The following PCDHGB6 variants were observed in gnomAD, a reference collection of about 807,000 sequenced individuals.
The protein encoded by PCDHGB6 is protocadherin gamma-B6.
In PCDHGB6, 51 loss-of-function variants were observed where a neutral mutation model predicts 59.1. The observed-to-expected ratio is 0.86, with a 90% CI of 0.69 to 1.09. PCDHGB6 has a LOEUF of 1.09. Among genes scored for constraint, PCDHGB6 ranks in the 50% least tolerant of loss-of-function variants. The probability of loss-of-function intolerance (pLI) is 0.00; values close to 1 mark genes in which losing one functional copy is unlikely to be tolerated. For missense variants in PCDHGB6, 1,148 were observed against 1,205.1 expected (o/e 0.95, Z 0.70); for synonymous variants, 466 against 495.1 (o/e 0.94, Z 0.78).
At chr5:141,414,932 C>T (rs770025434) in intron 1 of PCDHGB6, 3 of 1,614,162 alleles carry the variant, frequency 1.9e-6, no homozygotes, top group Middle Eastern at 1.7e-4. Context: ...CCCCGCTCCG[C>T]AGAGCCCGGC....
rs1314264090 is a variant in PCDHGB6, at chr5:141,490,459, C to T, written c.2419-4348C>T. 7 of 1,614,100 alleles carry T rather than the reference C, an allele frequency of 4.3e-6. No homozygotes were observed. Among genetic ancestry groups the T allele is most frequent in the Non-Finnish European group, 5.9e-6 (7 of 1,180,040 alleles). ...GCCTTCTGAGAACCACTACTCGCTG[C>T]TAACCAGCCAGCCTTTGGACCGGGA... On this transcript the variant is annotated intron_variant, in intron 1 of 3. Coordinates refer to ENST00000520790, the MANE Select transcript of PCDHGB6 (RefSeq NM_018926.3). The surrounding 1 kb of genome is among the most constrained non-coding windows in gnomAD (Gnocchi z 5.4).
At chr5:141,501,755 G>C (rs2099810889) in intron 2 of PCDHGB6, among the ~76,000 whole-genome samples, 1 of 152,116 alleles carries the variant, frequency 6.6e-6, no homozygotes, top group Non-Finnish European at 1.5e-5. Context: ...GAAGCTCTCA[G>C]TAAATGGTTA....
intron 1 of PCDHGB6, among the ~76,000 whole-genome samples, chr5:141,457,612 G>T (rs1011626121): frequency 1.8e-4 from 27 of 152,232 alleles, no homozygotes; most frequent in Non-Finnish European, 2.9e-4. Flanking sequence ...AATTATGAAT[G>T]AACTTTAATC....
intron 1 of PCDHGB6, chr5:141,423,907 G>C: frequency 7.9e-7 from 1 of 1,271,360 alleles, no homozygotes. Context: ...TTTCAAAGGG[G>C]CCATTCAACT....
chr5:141,431,397 C>A lies in PCDHGB6; in HGVS notation c.2418+20777C>A. ...AAGGCTGCTCACCACCTGGTCCTTA[C>A]GGCCTCCGACGGGGGCGACCCGGTG... On this transcript the variant is annotated intron_variant, in intron 1 of 3. Coordinates refer to ENST00000520790, the MANE Select transcript of PCDHGB6 (RefSeq NM_018926.3). The surrounding 1 kb of genome is among the most constrained non-coding windows in gnomAD (Gnocchi z 4.8). 3.1e-6 allele frequency: 5 copies of A among 1,613,782 alleles called. No individual in the cohort carries two copies. Among genetic ancestry groups the A allele is most frequent in the Non-Finnish European group, 4.2e-6 (5 of 1,180,034 alleles).
intron 1 of PCDHGB6, chr5:141,420,344 T>G (rs2096490860): frequency 2.2e-6 from 3 of 1,394,808 alleles, no homozygotes; most frequent in African/African-American, 1.5e-5. Flanking sequence ...TATAGTGGTA[T>G]TATTTTAAGA....
intron 1 of PCDHGB6, among the ~76,000 whole-genome samples, chr5:141,464,286 A>AT (rs1453289283): frequency 6.6e-6 from 1 of 151,420 alleles, no homozygotes; most frequent in African/African-American, 2.4e-5. Flanking sequence ...AAGCAAAAAA[A>AT]AAAACTCCAT....
intron 1 of PCDHGB6, among the ~76,000 whole-genome samples, chr5:141,457,424 C>T (rs1261475379): frequency 6.6e-6 from 1 of 152,068 alleles, no homozygotes; most frequent in Non-Finnish European, 1.5e-5. Context: ...TCCCTTTTTC[C>T]CCCCCACCAA....
At chr5:141,427,683 G>C in intron 1 of PCDHGB6, 1 of 836,052 alleles carries the variant, frequency 1.2e-6, no homozygotes. Flanking sequence ...CCTTCCCGGA[G>C]CCTCCATCCC....
chr5:141,431,114 G>T lies in PCDHGB6; in HGVS notation c.2418+20494G>T. On this transcript the variant is annotated intron_variant, in intron 1 of 3. Coordinates refer to ENST00000520790, the MANE Select transcript of PCDHGB6 (RefSeq NM_018926.3). This position sits in a 1 kb window ranked among gnomAD's most constrained non-coding sequence, Gnocchi z 4.8. The stretch of plus-strand genomic sequence containing the variant: ...GGAGGATAAAGTGAAAATATATGGA[G>T]TAGAAGTAGAAGTAAGGGACATTAA... 6.2e-7 allele frequency: 1 copy of T among 1,614,158 alleles called. No individual in the cohort carries two copies.
intron 1 of PCDHGB6, chr5:141,478,776 A>T: frequency 1.3e-6 from 2 of 1,488,808 alleles, no homozygotes; most frequent in Non-Finnish European, 1.8e-6. Context: ...TCATCTGTGG[A>T]CCTAATTCAC....
Position 141,431,592 on chromosome 5 carries a change from G to A in PCDHGB6, c.2418+20972G>A, listed in dbSNP as rs1429358254. 2.5e-6 allele frequency: 4 copies of A among 1,614,100 alleles called. No individual in the cohort carries two copies. The Admixed American group carries it at 6.7e-5, about 27-fold the overall frequency. The stretch of plus-strand genomic sequence containing the variant: ...GACGAAGGAGTCAATGCGGAAGTGA[G>A]GTATTCCTTCCGGTATGTGGACGAC... On this transcript the variant is annotated intron_variant, in intron 1 of 3. Transcript: ENST00000520790. The surrounding 1 kb of genome is among the most constrained non-coding windows in gnomAD (Gnocchi z 4.8).
intron 1 of PCDHGB6, among the ~76,000 whole-genome samples, chr5:141,444,466 C>A (rs539222916): frequency 1.3e-5 from 2 of 151,982 alleles, no homozygotes; most frequent in African/African-American, 4.8e-5. Flanking sequence ...TCACTGCGCC[C>A]GGTCGCGTAC....
intron 2 of PCDHGB6, among the ~76,000 whole-genome samples, chr5:141,498,848 G>T (rs930895553): frequency 6.6e-6 from 1 of 151,908 alleles, no homozygotes; most frequent in African/African-American, 2.4e-5. Context: ...CAGGGGAATC[G>T]CTTGAACCCA....
intron 1 of PCDHGB6, among the ~76,000 whole-genome samples, chr5:141,436,122 C>T (rs909678739): frequency 4.6e-5 from 7 of 152,128 alleles, no homozygotes; most frequent in African/African-American, 7.2e-5. Flanking sequence ...AACCTCTCTC[C>T]TCCATCATCT....
rs765185360 is a variant in PCDHGB6, at chr5:141,491,451, C to T, written c.2419-3356C>T. 1.2e-6 allele frequency: 2 copies of T among 1,614,112 alleles called. No individual in the cohort carries two copies. The highest frequency in any genetic ancestry group is 1.1e-5 in the South Asian group (1 of 91,082). On this transcript the variant is annotated intron_variant, in intron 1 of 3. Coordinates refer to ENST00000520790, the MANE Select transcript of PCDHGB6 (RefSeq NM_018926.3). This position sits in a 1 kb window ranked among gnomAD's most constrained non-coding sequence, Gnocchi z 6.9. ...AGTGCTGCAGGCGCCAGGACTCACC[C>T]TCCCCGGACTTCTATAAGCAGTCCA...
At chr5:141,426,955 C>T (rs1380917458) in intron 1 of PCDHGB6, 3 of 456,658 alleles carry the variant, frequency 6.6e-6, no homozygotes, top group South Asian at 1.5e-5. Flanking sequence ...ACTGGCACTG[C>T]TGCAATTCAA....
Position 141,493,685 on chromosome 5 carries a change from G to A in PCDHGB6, c.2419-1122G>A, listed in dbSNP as rs139973755. ...CCATGGCAGCCCCAGAATGGTGCTG[G>A]TGACTCCCGATACACCTGGAATGCT... On this transcript the variant is annotated intron_variant, in intron 1 of 3. Transcript: ENST00000520790. The surrounding 1 kb of genome is among the most constrained non-coding windows in gnomAD (Gnocchi z 4.3). 1.1e-3 allele frequency among the ~76,000 whole-genome samples: 165 copies of A among 152,282 alleles called. 3 individuals carry two copies. The highest frequency in any genetic ancestry group is 8.2e-3 in the Admixed American group (125 of 15,298).
rs2099450974 is a variant in PCDHGB6 at position 141,478,361 on chromosome 5, G to A, written c.2419-16446G>A. 6 of 1,613,776 alleles carry A rather than the reference G, an allele frequency of 3.7e-6. No individual in the cohort carries two copies. The East Asian group carries it at 1.3e-4, about 36-fold the overall frequency. ...CTCCTTGCACGCGGACGCCGTGCGGGGAGGCCTGATGTCGCCGCACCTTTA... is the reference window on the plus strand; with the variant it reads ...CTCCTTGCACGCGGACGCCGTGCGGAGAGGCCTGATGTCGCCGCACCTTTA... On this transcript the variant is annotated intron_variant, in intron 1 of 3. Coordinates refer to ENST00000520790, the MANE Select transcript of PCDHGB6 (RefSeq NM_018926.3).
Sources: allele counts gnomAD v4.1 joint callset (sites outside exome capture counted in the v4.1 genomes callset), GRCh38; gene constraint gnomAD v4.1.1; non-coding constraint Gnocchi (gnomAD v3.1); transcripts MANE v1.5; gene names NCBI Gene and HGNC (gene_info 2026-07-23, HGNC 2026-07-21).